The following TM4SF1 variants were observed in gnomAD, a reference collection of about 807,000 sequenced individuals.
TM4SF1 encodes the protein transmembrane 4 L6 family member 1.
In TM4SF1, 20 loss-of-function variants were observed where a neutral mutation model predicts 24.5. That is an observed-to-expected ratio of 0.82 (90% CI 0.57 to 1.19). The LOEUF (loss-of-function observed/expected upper bound fraction) is 1.19, where lower values mean the gene tolerates loss of function less well. Among genes scored for constraint, TM4SF1 ranks in the 50% most tolerant of loss-of-function variants. The probability of loss-of-function intolerance (pLI) is 0.00; values close to 1 mark genes in which losing one functional copy is unlikely to be tolerated. For missense variants in TM4SF1, 258 were observed against 248.1 expected (o/e 1.04, Z -0.27); for synonymous variants, 107 against 95.4 (o/e 1.12, Z -0.71).
chr3:149,375,907 A>G, intron 1 of TM4SF1, 138 bp from the exon 2 acceptor site: 1 of 754,280 alleles, frequency 1.3e-6, no homozygotes, highest in Admixed American at 2.6e-5. Context: ...ATCTCAAAGA[A>G]TGTAAACCTC....
chr3:149,369,847 C>G lies in TM4SF1; in HGVS notation c.*19G>C. The G allele has an allele frequency of 6.2e-7, 1 of 1,607,508 alleles. No individual in the cohort carries two copies. The highest frequency in any genetic ancestry group is 1.1e-5 in the South Asian group (1 of 89,188). ...AATGAAATAGAGGAAGATTGTGGCT[C>G]TGTCCTGGGTTGGTTCTTTTAGCAG... On this transcript the variant is annotated 3_prime_UTR_variant, in exon 5 of 5. Coordinates refer to ENST00000305366, the MANE Select transcript of TM4SF1 (RefSeq NM_014220.3).
At position 149,375,766 on chromosome 3, in the gene TM4SF1, G is replaced by A. The variant is rs549911619; in HGVS notation, c.181C>T (p.Leu61Phe). 2 of 1,614,214 alleles carry A rather than the reference G, an allele frequency of 1.2e-6. No individual in the cohort carries two copies. Among genetic ancestry groups the A allele is most frequent in the Admixed American group, 1.7e-5 (1 of 60,028 alleles). Reference sequence around the variant, plus strand: ...CCAATGAAGACAAATGCTGGCAGGAGCATCTGGTTAGGAAACAAACAAAGT... The same window carrying A: ...CCAATGAAGACAAATGCTGGCAGGAACATCTGGTTAGGAAACAAACAAAGT... ...SGIVGGGLLM[L>F]LPAFVFIGLE... The change falls in exon 2 of 5, where the codon CTC (leucine) becomes TTC (phenylalanine). Residue 61 changes from leucine to phenylalanine, a missense_variant. Physicochemically the swap from Leu to Phe is conservative, Grantham distance 22. Coordinates refer to ENST00000305366, the MANE Select transcript of TM4SF1 (RefSeq NM_014220.3).
chr3:149,371,333 T>C, intron 4 of TM4SF1: 2 of 459,836 alleles, frequency 4.3e-6, no homozygotes, highest in South Asian at 5.5e-5. Context: ...TACTTATGTA[T>C]ACTAGTTGGG....
chr3:149,372,711 C>T (rs1048215859), intron 3 of TM4SF1, among the ~76,000 whole-genome samples: 4 of 152,180 alleles, frequency 2.6e-5, no homozygotes, highest in African/African-American at 4.8e-5. Flanking sequence ...GCAACCTCTA[C>T]GTCCCAGGTT....
At chr3:149,370,025 A>G in intron 4 of TM4SF1, 145 bp from the exon 5 acceptor site, 3 of 982,526 alleles carry the variant, frequency 3.1e-6, no homozygotes, top group Non-Finnish European at 4.4e-6. Flanking sequence ...TAGGGCTTGG[A>G]CAATGCTCAC....
intron 3 of TM4SF1, 33 bp from the exon 4 acceptor site, chr3:149,371,900 G>C (rs746432784): frequency 6.2e-7 from 1 of 1,606,564 alleles, no homozygotes; most frequent in Admixed American, 1.7e-5. Flanking sequence ...CTGACACACG[G>C]TCATACTTGA....
chr3:149,373,801 T>C (rs1163698729), intron 3 of TM4SF1, among the ~76,000 whole-genome samples: 1 of 152,182 alleles, frequency 6.6e-6, no homozygotes, highest in Non-Finnish European at 1.5e-5. Flanking sequence ...GAGTGGATAA[T>C]GGGAGGGGCA....
rs1483525276 is a variant in TM4SF1, at chr3:149,375,590, T to C, written c.268-2A>G. ...AGCAGCCAATACAGAAGAAAGCATC[T>C]AGGGAAAAGCAGACACACAGGAAGT... On this transcript the variant is annotated splice_acceptor_variant, in intron 2 of 4. Transcript: ENST00000305366. LOFTEE classifies it high-confidence loss of function. The C allele has an allele frequency of 1.2e-6, 2 of 1,614,092 alleles. No homozygotes were observed. The highest frequency in any genetic ancestry group is 3.3e-5 in the Admixed American group (2 of 60,020).
At chr3:149,375,655 TCAC>T in intron 2 of TM4SF1, 22 bp downstream of exon 2, 2 of 1,614,190 alleles carry the variant, frequency 1.2e-6, no homozygotes, top group Non-Finnish European at 1.7e-6. Context: ...GGAGTCATTT[TCAC>T]CACCAGGGCA....
In TM4SF1 at chr3:149,377,456, G is replaced by C. The variant is rs1394187833; in HGVS notation, c.92C>G (p.Pro31Arg). ...GGAGGCATACTTTGTTTCCCCATTG[G>C]GAAAGTAAAGCAAAATATTAGCCGC... is the stretch of plus-strand genomic sequence containing the variant. Reference protein sequence around the residue: ...CIAANILLYFPNGETKYASEN... With the variant: ...CIAANILLYFRNGETKYASEN... Residue 31 changes from proline to arginine, a missense_variant, in exon 1 of 5, where the codon CCC (proline) becomes CGC (arginine). Coordinates refer to ENST00000305366, the MANE Select transcript of TM4SF1 (RefSeq NM_014220.3). The C allele has an allele frequency of 2.5e-6, 4 of 1,614,190 alleles. No individual in the cohort carries two copies. The highest frequency in any genetic ancestry group is 3.4e-6 in the Non-Finnish European group (4 of 1,180,018).
In TM4SF1 at chr3:149,375,644, A is replaced by G. The variant is rs1190666569; in HGVS notation, c.267+36T>C. ...CCACAGAGTGCCACAGCTACATCTT[A>G]GGAGTCATTTTCACCACCAGGGCAG... On this transcript the variant is annotated intron_variant, in intron 2 of 4. Coordinates refer to ENST00000305366, the MANE Select transcript of TM4SF1 (RefSeq NM_014220.3). 12 of 1,614,182 alleles carry G rather than the reference A, an allele frequency of 7.4e-6. No individual in the cohort carries two copies. The East Asian group carries it at 2.7e-4, about 36-fold the overall frequency.
At position 149,377,583 on chromosome 3, in the gene TM4SF1, C is replaced by T; in HGVS notation, c.-36G>A. On this transcript the variant is annotated 5_prime_UTR_variant, in exon 1 of 5. Transcript: ENST00000305366. ...TAGGTTTTCTCCCCCTTCTCTTTGT[C>T]TTCAGCTCAGTGATACCCCAAATTA... 6.3e-7 allele frequency: 1 copy of T among 1,593,080 alleles called. No individual in the cohort carries two copies. Among genetic ancestry groups the T allele is most frequent in the Non-Finnish European group, 8.6e-7 (1 of 1,168,342 alleles).
At chr3:149,375,342 T>G (rs1576849605) in intron 3 of TM4SF1, 101 bp downstream of exon 3, 3 of 1,439,466 alleles carry the variant, frequency 2.1e-6, no homozygotes. Flanking sequence ...GCTAGGTGGG[T>G]GGATGGATGG....
At chr3:149,371,068 G>A (rs1251768160) in intron 4 of TM4SF1, 2 of 152,252 alleles carry the variant, frequency 1.3e-5, no homozygotes, top group Admixed American at 6.5e-5. Flanking sequence ...CTTTTCATGA[G>A]CTGCTGTTCA....
intron 4 of TM4SF1, 176 bp downstream of exon 4, chr3:149,371,511 C>T (rs938883798): frequency 1.9e-5 from 13 of 668,334 alleles, no homozygotes; most frequent in East Asian, 1.9e-4. Flanking sequence ...CTGTGAGACT[C>T]GAGGAAGCTT....
intron 3 of TM4SF1, among the ~76,000 whole-genome samples, chr3:149,373,114 A>G (rs1180364272): frequency 6.6e-6 from 1 of 152,232 alleles, no homozygotes; most frequent in Non-Finnish European, 1.5e-5. Flanking sequence ...AGCTCCATGA[A>G]GGTAGGAGCC....
At chr3:149,371,359 A>G (rs563292992) in intron 4 of TM4SF1, 94 of 525,086 alleles carry the variant, frequency 1.8e-4, no homozygotes, top group African/African-American at 1.7e-3. Flanking sequence ...AACAGCAAAC[A>G]AAGAGCAGAC....
chr3:149,370,752 C>A (rs1731802482), intron 4 of TM4SF1: 1 of 152,034 alleles, frequency 6.6e-6, no homozygotes, highest in Non-Finnish European at 1.5e-5. Flanking sequence ...AGAAAGTTTC[C>A]TTTTATTTTC....
At chr3:149,374,628 G>A (rs1014550962) in intron 3 of TM4SF1, among the ~76,000 whole-genome samples, 2 of 152,170 alleles carry the variant, frequency 1.3e-5, no homozygotes, top group Admixed American at 1.3e-4. Flanking sequence ...CTGATATTAT[G>A]ATTGTGAATA....
Sources: gnomAD v4.1 joint callset for allele counts (sites outside exome capture counted in the v4.1 genomes callset) on GRCh38, gnomAD v4.1.1 for gene constraint, MANE v1.5 for transcripts, NCBI Gene and HGNC (gene_info 2026-07-23, HGNC 2026-07-21) for gene names.